Variants in SIN3B observed in about 807,000 individuals in gnomAD.
The protein encoded by SIN3B is paired amphipathic helix protein Sin3b.
In SIN3B, 19 loss-of-function variants were observed where a neutral mutation model predicts 120.2. The observed-to-expected ratio is 0.16, with a 90% CI of 0.11 to 0.23. The LOEUF is 0.23. Ranked by LOEUF, SIN3B falls within the 10% of genes least tolerant of loss-of-function variation. The pLI is 1.00. For missense variants in SIN3B, 1,073 were observed against 1,573.0 expected (o/e 0.68, Z 5.38); for synonymous variants, 654 against 653.2 (o/e 1.00, Z -0.02).
At chr19:16,857,765 A>G (rs1381999513) in intron 8 of SIN3B, among the ~76,000 whole-genome samples, 1 of 152,176 alleles carries the variant, frequency 6.6e-6, no homozygotes, top group African/African-American at 2.4e-5. Flanking sequence ...CGCCACCTGC[A>G]CTAATGACGG....
chr19:16,854,866 T>C (rs1278187109), intron 8 of SIN3B: 4 of 152,276 alleles, frequency 2.6e-5, no homozygotes, highest in Non-Finnish European at 5.9e-5. Context: ...TATCTGTATG[T>C]GTGGCTTGCA....
chr19:16,868,241 G>T (rs1014306703), intron 12 of SIN3B, among the ~76,000 whole-genome samples: 2 of 152,198 alleles, frequency 1.3e-5, no homozygotes, highest in African/African-American at 4.8e-5. Context: ...GAGCAGGGCT[G>T]AGCGTGCAGA....
intron 14 of SIN3B, among the ~76,000 whole-genome samples, chr19:16,875,668 T>TTGGTCTGGTC (rs200505405): frequency 1.2e-4 from 18 of 146,772 alleles, no homozygotes; most frequent in Non-Finnish European, 2.3e-4. Flanking sequence ...TCTGGTCTGT[T>TTGGTCTGGTC]TGGTCTGGTC....
At position 16,877,574 on chromosome 19, in the gene SIN3B, G is replaced by A. The variant is rs375942108; in HGVS notation, c.2889G>A (p.Val963=). 1 of 1,611,744 alleles carries A rather than the reference G, an allele frequency of 6.2e-7. No homozygotes were observed. Among genetic ancestry groups the A allele is most frequent in the African/African-American group, 1.3e-5 (1 of 74,926 alleles). The change falls in exon 17 of 19, where the codon GTG becomes GTA. Residue 963 remains valine (V), a synonymous_variant. Coordinates refer to ENST00000248054, the MANE Select transcript of SIN3B (RefSeq NM_001297595.2). ...TGGCTCGGTACGTGGAGCAGTATGT[G>A]GGGACCGAGGGCGCGTCCAGCTCGC... ...QHLARYVEQY[V]GTEGASSSPT...
chr19:16,875,741 TTGGTC>T (rs1187952573), intron 14 of SIN3B, among the ~76,000 whole-genome samples: 5 of 144,418 alleles, frequency 3.5e-5, no homozygotes, highest in African/African-American at 1.0e-4. Context: ...TCTGGTCGGT[TTGGTC>T]TGGTCTGGTC....
intron 4 of SIN3B, among the ~76,000 whole-genome samples, chr19:16,843,263 A>C (rs1047356465): frequency 5.9e-5 from 9 of 152,222 alleles, no homozygotes; most frequent in African/African-American, 2.2e-4. Flanking sequence ...ACGCCCAGCT[A>C]ATTAGCAGAA....
At chr19:16,835,018 C>T (rs188375437) in intron 3 of SIN3B, among the ~76,000 whole-genome samples, 15 of 151,936 alleles carry the variant, frequency 9.9e-5, no homozygotes, top group Admixed American at 5.2e-4. Context: ...CCTCTGCCTC[C>T]CCAGTTCAAG....
chr19:16,869,501 C>T lies in SIN3B; in HGVS notation c.1848C>T (p.Ser616=), dbSNP rs144969688. ...QHSEGRSAPS[S]EPHLIFVYED... The stretch of plus-strand genomic sequence containing the variant: ...CGGAGGGCCGCAGTGCCCCCTCTAG[C>T]GAGCCGCACCTCATCTTTGTGTACG... Residue 616 remains serine (S), a synonymous_variant, in exon 13 of 19, where the codon AGC becomes AGT. Transcript: ENST00000248054. The T allele has an allele frequency of 7.8e-5, 126 of 1,612,866 alleles. 1 individual carries two copies. In the Admixed American group the frequency reaches 1.6e-3, roughly 20 times the overall value.
At chr19:16,863,413 C>T in intron 9 of SIN3B, 1 of 541,624 alleles carries the variant, frequency 1.8e-6, no homozygotes, top group Non-Finnish European at 3.3e-6. Context: ...AAATAGGATT[C>T]CATTGGACAT....
intron 3 of SIN3B, among the ~76,000 whole-genome samples, chr19:16,835,953 T>C (rs773878): frequency 0.77 from 117,758 of 152,158 alleles, 45,758 homozygotes; most frequent in Middle Eastern, 0.85. Flanking sequence ...TATTCTCTGT[T>C]GCTTAGTTTT....
chr19:16,875,832 TTGGTCTGGTCTGGTCTGGTCTGTTTGGTC>T lies in SIN3B; in HGVS notation c.2593-200_2593-172del. 14 of 577,056 alleles carry T rather than the reference TTGGTCTGGTCTGGTCTGGTCTGTTTGGTC, an allele frequency of 2.4e-5. No individual in the cohort carries two copies. In the South Asian group the frequency reaches 3.0e-4, roughly 12 times the overall value. 35.7% of individuals were successfully genotyped at this position (577,056 alleles called of 1,614,324 possible). On this transcript the variant is annotated intron_variant, in intron 14 of 18. Transcript: ENST00000248054. ...TTTGGTCTGGTCTGGTCTGTTTGGT[TTGGTCTGGTCTGGTCTGGTCTGTTTGGTC>T]TGGTCTGGTCTGGTCTGGTCTGGTC... is the stretch of plus-strand genomic sequence containing the variant.
At chr19:16,860,531 G>T (rs1331959436) in intron 8 of SIN3B, among the ~76,000 whole-genome samples, 1 of 151,996 alleles carries the variant, frequency 6.6e-6, no homozygotes, top group Non-Finnish European at 1.5e-5. Context: ...ACGTCGTTAT[G>T]CGAGGGTGGG....
intron 2 of SIN3B, among the ~76,000 whole-genome samples, chr19:16,830,153 CAT>C (rs1458969608): frequency 3.3e-5 from 5 of 152,234 alleles, no homozygotes; most frequent in Non-Finnish European, 7.3e-5. Context: ...CGTGCACACT[CAT>C]AGAGTCAAAT....
Position 16,876,269 on chromosome 19 carries a change from G to T in SIN3B, c.2766+41G>T. The stretch of plus-strand genomic sequence containing the variant: ...GGGCTGGGAACACGCCGGGAGGCCC[G>T]GCCGCTCACTCCGCTCTGGACTCAG... On this transcript the variant is annotated intron_variant, in intron 15 of 18. Transcript: ENST00000248054. The surrounding 1 kb of genome is among the most constrained non-coding windows in gnomAD (Gnocchi z 7.1). 1 of 1,582,726 alleles carries T rather than the reference G, an allele frequency of 6.3e-7. No homozygotes were observed. Among genetic ancestry groups the T allele is most frequent in the Non-Finnish European group, 8.6e-7 (1 of 1,161,774 alleles).
chr19:16,870,756 T>C (rs2051500166), intron 13 of SIN3B, among the ~76,000 whole-genome samples: 1 of 152,164 alleles, frequency 6.6e-6, no homozygotes, highest in African/African-American at 2.4e-5. Flanking sequence ...GGTTTCACCA[T>C]CTTGACCAGG....
intron 11 of SIN3B, 118 bp from the exon 12 acceptor site, chr19:16,866,255 G>A: frequency 1.0e-6 from 1 of 972,172 alleles, no homozygotes; most frequent in Non-Finnish European, 1.5e-6. Flanking sequence ...GCTGGGAGCT[G>A]GCTGGGCCTG....
At chr19:16,865,126 C>T (rs907991479) in intron 10 of SIN3B, 14 of 309,182 alleles carry the variant, frequency 4.5e-5, no homozygotes, top group Admixed American at 1.4e-4. Context: ...CCACCGTGCC[C>T]GGCCATAAAT....
intron 10 of SIN3B, among the ~76,000 whole-genome samples, chr19:16,864,806 C>CA (rs1971740798): frequency 6.8e-6 from 1 of 147,516 alleles, no homozygotes; most frequent in Non-Finnish European, 1.5e-5. Context: ...ACCTGGGCAA[C>CA]AAAGCAAGAG....
At chr19:16,871,072 G>A (rs758874733) in intron 13 of SIN3B, among the ~76,000 whole-genome samples, 157 bp from the exon 14 acceptor site, 5 of 152,254 alleles carry the variant, frequency 3.3e-5, no homozygotes, top group Non-Finnish European at 5.9e-5. Context: ...CCAGCTACTC[G>A]GGTTTCCTGG....
Sources: allele counts gnomAD v4.1 joint callset (sites outside exome capture counted in the v4.1 genomes callset), GRCh38; gene constraint gnomAD v4.1.1; non-coding constraint Gnocchi (gnomAD v3.1); transcripts MANE v1.5; gene names NCBI Gene and HGNC (gene_info 2026-07-23, HGNC 2026-07-21).